Variants in TRPM2 observed in about 807,000 individuals in gnomAD.
TRPM2 encodes estrogen-responsive element-associated gene 1 protein.
TRPM2 carries 161 observed loss-of-function variants against 174.0 expected under a neutral mutation model. The observed-to-expected ratio is 0.93, with a 90% CI of 0.81 to 1.05. The LOEUF (loss-of-function observed/expected upper bound fraction) is 1.05, where lower values mean the gene tolerates loss of function less well. Ranked by LOEUF, TRPM2 falls within the 50% of genes least tolerant of loss-of-function variation. The pLI is 0.00. For synonymous variants in TRPM2, 954 were observed against 861.3 expected, an observed-to-expected ratio of 1.11 and a Z score of -1.88; for missense variants, 2,057 against 2,038.0, an observed-to-expected ratio of 1.01 and a Z score of -0.18.
intron 27 of TRPM2, 105 bp downstream of exon 27, chr21:44,427,216 C>G: frequency 1.2e-5 from 12 of 995,776 alleles, no homozygotes; most frequent in Non-Finnish European, 1.7e-5. Flanking sequence ...AAAACAAAAT[C>G]AAAAAAAGCA....
rs762373811 is a variant in TRPM2, at chr21:44,366,906, A to T, written c.576A>T (p.Arg192Ser). 8.1e-6 allele frequency: 13 copies of T among 1,606,852 alleles called. No homozygotes were observed. Among genetic ancestry groups the T allele is most frequent in the Non-Finnish European group, 1.0e-5 (12 of 1,175,632 alleles). ...CGCGGCTGAAGAGCATTTTCCGCAG[A>T]GGCCTGGTCAAGGTGGCTCAGACCA... Reference protein sequence around the residue: ...MKPRLKSIFRRGLVKVAQTTG... With the variant: ...MKPRLKSIFRSGLVKVAQTTG... Residue 192 changes from arginine to serine, a missense_variant, in exon 4 of 32, where the codon AGA (arginine) becomes AGT (serine). Physicochemically the swap from Arg to Ser is moderately radical, Grantham distance 110 (BLOSUM62 -1). Transcript: ENST00000397928. This position sits in a 1 kb window ranked among gnomAD's most constrained non-coding sequence, Gnocchi z 6.0.
At chr21:44,407,420 C>T (rs1478692232) in intron 19 of TRPM2, among the ~76,000 whole-genome samples, 1 of 145,200 alleles carries the variant, frequency 6.9e-6, no homozygotes, top group African/African-American at 2.5e-5. Flanking sequence ...GCCACCATGC[C>T]TGCCAGAGAG....
At chr21:44,374,833 C>T (rs2048647860) in intron 5 of TRPM2, among the ~76,000 whole-genome samples, 1 of 152,200 alleles carries the variant, frequency 6.6e-6, no homozygotes, top group Non-Finnish European at 1.5e-5. Context: ...CAGACCATTA[C>T]CAGTCCATGG....
chr21:44,441,846 C>A lies in TRPM2; in HGVS notation c.*29C>A. On this transcript the variant is annotated 3_prime_UTR_variant, in exon 32 of 32. Coordinates refer to ENST00000397928, the MANE Select transcript of TRPM2 (RefSeq NM_003307.4). ...TGCCCTCAGGCTGGGCGGCTCCAGTCCATAGACGTTCCCCCCAGAAACCAG... is the reference window on the plus strand; with the variant it reads ...TGCCCTCAGGCTGGGCGGCTCCAGTACATAGACGTTCCCCCCAGAAACCAG... The A allele has an allele frequency of 1.9e-6, 3 of 1,567,526 alleles. 1 individual carries two copies. The highest frequency in any genetic ancestry group is 2.4e-5 in the South Asian group (2 of 84,382).
chr21:44,391,559 T>G lies in TRPM2; in HGVS notation c.1728T>G (p.Leu576=). Residue 576 remains leucine, a synonymous_variant, in exon 11 of 32, where the codon CTT becomes CTG. Transcript: ENST00000397928. This position sits in a 1 kb window ranked among gnomAD's most constrained non-coding sequence, Gnocchi z 5.0. ...RELLGDFTQP[L]YPRPRHNDRL... Reference sequence around the variant, plus strand: ...TGCTGGGGGACTTCACGCAGCCGCTTTATCCCCGGCCCCGGCACAACGACC... The same window carrying G: ...TGCTGGGGGACTTCACGCAGCCGCTGTATCCCCGGCCCCGGCACAACGACC... 1 of 1,597,056 alleles carries G rather than the reference T, an allele frequency of 6.3e-7. No homozygotes were observed. The highest frequency in any genetic ancestry group is 8.5e-7 in the Non-Finnish European group (1 of 1,177,072).
chr21:44,362,537 A>G (rs2048245985), intron 2 of TRPM2, among the ~76,000 whole-genome samples: 1 of 151,904 alleles, frequency 6.6e-6, no homozygotes, highest in African/African-American at 2.4e-5. Context: ...AGAAAGAAAG[A>G]AAACCATGTC....
chr21:44,437,646 G>C (rs1247424781), intron 29 of TRPM2, among the ~76,000 whole-genome samples: 2 of 152,190 alleles, frequency 1.3e-5, no homozygotes, highest in Non-Finnish European at 2.9e-5. Context: ...GCCCAGGGTT[G>C]TGCACAGGCC....
At chr21:44,388,986 C>G (rs1248278798) in intron 9 of TRPM2, among the ~76,000 whole-genome samples, 4 of 152,138 alleles carry the variant, frequency 2.6e-5, no homozygotes, top group African/African-American at 9.7e-5. Flanking sequence ...TCTAAATGTA[C>G]TGTATAACAA....
intron 16 of TRPM2, among the ~76,000 whole-genome samples, chr21:44,402,865 G>C (rs934183565): frequency 1.3e-5 from 2 of 152,208 alleles, no homozygotes; most frequent in African/African-American, 4.8e-5. Context: ...CCACGGGGCA[G>C]TGGTCCTGGC....
rs569018196 is a variant in TRPM2 at position 44,362,231 on chromosome 21, A to T, written c.255-1883A>T. 2.0e-3 allele frequency among the ~76,000 whole-genome samples: 301 copies of T among 151,906 alleles called. 1 individual carries two copies. Among genetic ancestry groups the T allele is most frequent in the African/African-American group, 6.9e-3 (287 of 41,420 alleles). On this transcript the variant is annotated intron_variant, in intron 2 of 31. Coordinates refer to ENST00000397928, the MANE Select transcript of TRPM2 (RefSeq NM_003307.4). ...ACATATATTGAAATGAGGGCCGGGC[A>T]TGGTGGCTTAAGCCTGTAATCCCAG...
In TRPM2 at chr21:44,384,377, G is replaced by A. The variant is rs181211277; in HGVS notation, c.1318+1557G>A. ...ATGGTCAGCATCTGGCAAAATTGAG[G>A]GGCCAGCATCTGGCAAGGGCCTGCC... is the stretch of plus-strand genomic sequence containing the variant. On this transcript the variant is annotated intron_variant, in intron 9 of 31. Transcript: ENST00000397928. Among the ~76,000 whole-genome samples, 40 of 152,248 alleles carry A rather than the reference G, an allele frequency of 2.6e-4. 1 individual carries two copies. The highest frequency in any genetic ancestry group is 1.4e-3 in the Admixed American group (21 of 15,290).
At chr21:44,421,124 C>A (rs1233563488) in intron 22 of TRPM2, among the ~76,000 whole-genome samples, 1 of 152,128 alleles carries the variant, frequency 6.6e-6, no homozygotes, top group Non-Finnish European at 1.5e-5. Flanking sequence ...TCAAGACTAT[C>A]CTGGCTAACA....
At chr21:44,422,676 C>T (rs979610340) in intron 22 of TRPM2, among the ~76,000 whole-genome samples, 6 of 152,136 alleles carry the variant, frequency 3.9e-5, no homozygotes, top group African/African-American at 1.4e-4. Context: ...TCGGGTTTGC[C>T]CACAGAGTTA....
At chr21:44,397,637 G>A (rs941358617) in intron 12 of TRPM2, 110 bp from the exon 13 acceptor site, 3 of 1,269,322 alleles carry the variant, frequency 2.4e-6, no homozygotes, top group Admixed American at 6.0e-5. Flanking sequence ...TTGCCCAGTG[G>A]CCCGCACTGT....
intron 9 of TRPM2, among the ~76,000 whole-genome samples, chr21:44,383,611 C>A (rs2048944114): frequency 6.6e-6 from 1 of 152,112 alleles, no homozygotes; most frequent in Non-Finnish European, 1.5e-5. Flanking sequence ...ACATATTAGA[C>A]CACAAATTAA....
At chr21:44,355,764 C>T (rs2048041211) in intron 2 of TRPM2, among the ~76,000 whole-genome samples, 1 of 151,840 alleles carries the variant, frequency 6.6e-6, no homozygotes, top group Non-Finnish European at 1.5e-5. Context: ...CTGTGTTGCC[C>T]CAGGGTACCT....
intron 25 of TRPM2, among the ~76,000 whole-genome samples, chr21:44,426,372 C>A (rs2050775987): frequency 6.6e-6 from 1 of 152,164 alleles, no homozygotes; most frequent in African/African-American, 2.4e-5. Flanking sequence ...CCTCTAGGGT[C>A]CAGCTTAGCC....
At chr21:44,418,877 G>A (rs2050411532) in intron 22 of TRPM2, among the ~76,000 whole-genome samples, 1 of 152,232 alleles carries the variant, frequency 6.6e-6, no homozygotes, top group South Asian at 2.1e-4. Flanking sequence ...GTGCACACGG[G>A]GTCCAGGCTG....
chr21:44,353,744 AGGG>A lies in TRPM2; in HGVS notation c.45_47del (p.Glu15_Gly16delinsAsp). On this transcript the variant is annotated inframe_deletion, in exon 1 of 32. Transcript: ENST00000397928. ...AGGAAAGCTGGCTCGGAGCAGGAGG[AGGG>A]CTTTGAGGGGCTGCCCAGAAGGGTC... 6.3e-7 allele frequency: 1 copy of A among 1,588,020 alleles called. No individual in the cohort carries two copies. Among genetic ancestry groups the A allele is most frequent in the Non-Finnish European group, 8.6e-7 (1 of 1,169,560 alleles).
Sources: gnomAD v4.1 joint callset for allele counts (sites outside exome capture counted in the v4.1 genomes callset) on GRCh38, gnomAD v4.1.1 for gene constraint, Gnocchi (gnomAD v3.1) non-coding constraint, MANE v1.5 for transcripts, NCBI Gene and HGNC (gene_info 2026-07-23, HGNC 2026-07-21) for gene names.